The following SGCD variants were observed in gnomAD, a reference collection of about 807,000 sequenced individuals.
SGCD encodes sarcoglycan delta.
In SGCD, 18 loss-of-function variants were observed where a neutral mutation model predicts 36.6. That is an observed-to-expected ratio of 0.49 (90% CI 0.34 to 0.73). The LOEUF (loss-of-function observed/expected upper bound fraction) is 0.73. Ranked by LOEUF, SGCD falls within the 30% of genes least tolerant of loss-of-function variation. The pLI is 0.01. For synonymous variants in SGCD, 133 were observed against 130.6 expected (o/e 1.02, Z -0.12); for missense variants, 387 against 346.7 (o/e 1.12, Z -0.92).
intron 1 of SGCD, among the ~76,000 whole-genome samples, chr5:155,955,542 C>T (rs916906405): frequency 6.6e-6 from 1 of 152,064 alleles, no homozygotes; most frequent in Non-Finnish European, 1.5e-5. Flanking sequence ...TTATCTTTCT[C>T]ATTTTTCTTT....
chr5:156,667,005 C>T (rs1404352956), intron 7 of SGCD, among the ~76,000 whole-genome samples: 1 of 152,026 alleles, frequency 6.6e-6, no homozygotes, highest in Non-Finnish European at 1.5e-5. Context: ...TGTCCCAAAT[C>T]CAAAAATCCA....
At chr5:156,383,522 G>T (rs1324365546) in intron 3 of SGCD, among the ~76,000 whole-genome samples, 1 of 151,228 alleles carries the variant, frequency 6.6e-6, no homozygotes, top group Admixed American at 6.6e-5. Flanking sequence ...GAAAAAGAAA[G>T]AAAGAAAAAA....
intron 3 of SGCD, among the ~76,000 whole-genome samples, chr5:156,321,436 T>C (rs7730533): frequency 0.19 from 21,246 of 114,622 alleles, 1,903 homozygotes; most frequent in Middle Eastern, 0.29. Flanking sequence ...AATAAACAAA[T>C]AAATAAATAA....
chr5:156,220,952 C>G lies in SGCD; in HGVS notation c.-44+96933C>G, dbSNP rs375793343. ...TGGCTCCATGTGGCATAACTAGGAC[C>G]AATAGGTGGATGTCACAAACAGGAG... On this transcript the variant is annotated intron_variant, in intron 3 of 9. Coordinates refer to the SGCD transcript ENST00000517913. Among the ~76,000 whole-genome samples, 122 of 152,136 alleles carry G rather than the reference C, an allele frequency of 8.0e-4. 1 individual carries two copies. Among genetic ancestry groups the G allele is most frequent in the African/African-American group, 2.8e-3 (116 of 41,532 alleles).
chr5:156,758,000 A>T (rs1757405099), intron 8 of SGCD: 1 of 1,202,704 alleles, frequency 8.3e-7, no homozygotes, highest in South Asian at 3.8e-5. Context: ...CCTTAAAATA[A>T]GATTTTGTTA....
At chr5:156,207,750 G>A (rs1320019049) in intron 3 of SGCD, among the ~76,000 whole-genome samples, 1 of 152,028 alleles carries the variant, frequency 6.6e-6, no homozygotes, top group Non-Finnish European at 1.5e-5. Flanking sequence ...AAAATTACAG[G>A]TAGGAGCCAG....
At chr5:155,855,796 G>T in the SGCD span, among the ~76,000 whole-genome samples, 15 of 152,130 alleles carry the variant, frequency 9.9e-5, no homozygotes, top group South Asian at 3.1e-3. Flanking sequence ...GGATGGAACT[G>T]GGAGTTCAGG....
intron 3 of SGCD, among the ~76,000 whole-genome samples, chr5:156,394,568 CT>C (rs1714875486): frequency 6.6e-6 from 1 of 152,160 alleles, no homozygotes; most frequent in African/African-American, 2.4e-5. Flanking sequence ...GACATTTTCA[CT>C]TTTGGGGGCT....
At chr5:156,613,394 A>G (rs1328511871) in intron 6 of SGCD, among the ~76,000 whole-genome samples, 1 of 152,252 alleles carries the variant, frequency 6.6e-6, no homozygotes. Flanking sequence ...TTTTGTTGAC[A>G]TAGTCAGGGC....
chr5:156,214,479 G>T (rs1764525246), intron 3 of SGCD, among the ~76,000 whole-genome samples: 1 of 151,964 alleles, frequency 6.6e-6, no homozygotes, highest in African/African-American at 2.4e-5. Flanking sequence ...TAAATGGAAA[G>T]ATATGTCGTG....
the SGCD span, among the ~76,000 whole-genome samples, chr5:155,855,644 A>C: frequency 6.6e-6 from 1 of 152,220 alleles, no homozygotes; most frequent in African/African-American, 2.4e-5. Context: ...GTAGACCAAC[A>C]GTTCACATAT....
intron 1 of SGCD, among the ~76,000 whole-genome samples, chr5:155,976,607 T>G (rs1758117817): frequency 6.6e-6 from 1 of 152,222 alleles, no homozygotes; most frequent in African/African-American, 2.4e-5. Context: ...ATGTTATAGA[T>G]GAAGACACTG....
the SGCD span, among the ~76,000 whole-genome samples, chr5:155,769,973 T>C: frequency 6.6e-6 from 1 of 152,168 alleles, no homozygotes; most frequent in Non-Finnish European, 1.5e-5. Flanking sequence ...TTTTTATTCA[T>C]AGGACTTGCT....
intron 3 of SGCD, among the ~76,000 whole-genome samples, chr5:156,445,839 T>C (rs539394140): frequency 4.6e-5 from 7 of 152,174 alleles, no homozygotes; most frequent in Admixed American, 3.3e-4. Context: ...TACGCACCCA[T>C]GCACACACAA....
chr5:156,276,432 T>A (rs11747400), intron 3 of SGCD, among the ~76,000 whole-genome samples: 4,328 of 152,302 alleles, frequency 0.028, 89 homozygotes, highest in Non-Finnish European at 0.045. Context: ...GGATACTTGG[T>A]AGTAGTTTGA....
chr5:156,735,214 C>T (rs1031201933), intron 7 of SGCD, among the ~76,000 whole-genome samples: 1 of 152,176 alleles, frequency 6.6e-6, no homozygotes, highest in African/African-American at 2.4e-5. Context: ...AAACCTCTGT[C>T]AGCCAGAGAC....
chr5:155,837,246 C>A, the SGCD span, among the ~76,000 whole-genome samples: 1 of 152,164 alleles, frequency 6.6e-6, no homozygotes, highest in Admixed American at 6.5e-5. Context: ...TAACTTCCGC[C>A]TCCAGGGTTC....
chr5:155,920,406 G>C (rs967244683), intron 1 of SGCD, among the ~76,000 whole-genome samples: 1 of 152,158 alleles, frequency 6.6e-6, no homozygotes, highest in Non-Finnish European at 1.5e-5. Flanking sequence ...GAGGAGAAGG[G>C]AGTTTATAGG....
At chr5:156,259,522 G>A (rs1354487773) in intron 3 of SGCD, among the ~76,000 whole-genome samples, 2 of 151,740 alleles carry the variant, frequency 1.3e-5, no homozygotes, top group East Asian at 3.9e-4. Flanking sequence ...CCTAAACATT[G>A]CAAATATATT....
Sources: gnomAD v4.1 joint callset for allele counts (sites outside exome capture counted in the v4.1 genomes callset) on GRCh38, gnomAD v4.1.1 for gene constraint, MANE v1.5 for transcripts, NCBI Gene and HGNC (gene_info 2026-07-23, HGNC 2026-07-21) for gene names.